LRP1B: variants seen among roughly 807,000 people sequenced by gnomAD.
LRP1B encodes low-density lipoprotein receptor-related protein 1B.
In LRP1B, 217 loss-of-function variants were observed where a neutral mutation model predicts 556.6. That is an observed-to-expected ratio of 0.39 (90% CI 0.35 to 0.44). The LOEUF (loss-of-function observed/expected upper bound fraction) is 0.44, where lower values mean the gene tolerates loss of function less well. Among genes scored for constraint, LRP1B ranks in the 20% least tolerant of loss-of-function variants. LRP1B has a pLI of 1.00. For synonymous variants in LRP1B, 2,047 were observed against 1,865.8 expected (o/e 1.10, Z -2.50); for missense variants, 5,053 against 5,620.8 (o/e 0.90, Z 3.23).
chr2:141,054,334 T>C (rs1207936468), intron 10 of LRP1B, among the ~76,000 whole-genome samples: 2 of 151,884 alleles, frequency 1.3e-5, no homozygotes, highest in African/African-American at 2.4e-5. Context: ...TTAAAAATAA[T>C]GGTGTTTGGG....
chr2:141,660,576 C>G (rs1690177925), intron 2 of LRP1B, among the ~76,000 whole-genome samples: 1 of 152,068 alleles, frequency 6.6e-6, no homozygotes, highest in African/African-American at 2.4e-5. Context: ...CAGACTACCT[C>G]TTTAGTCTGG....
At chr2:141,382,841 G>A (rs546964288) in intron 3 of LRP1B, among the ~76,000 whole-genome samples, 1 of 152,278 alleles carries the variant, frequency 6.6e-6, no homozygotes, top group East Asian at 1.9e-4. Flanking sequence ...GACATCCACA[G>A]TATAAGCAAA....
chr2:140,949,366 T>C (rs1157939667), intron 20 of LRP1B, among the ~76,000 whole-genome samples: 1 of 152,192 alleles, frequency 6.6e-6, no homozygotes, highest in East Asian at 1.9e-4. Flanking sequence ...ATTATTAATA[T>C]GCTCTATGAC....
intron 20 of LRP1B, among the ~76,000 whole-genome samples, chr2:140,928,365 T>C (rs1317271648): frequency 6.6e-6 from 1 of 152,140 alleles, no homozygotes; most frequent in Non-Finnish European, 1.5e-5. Context: ...TACACACATA[T>C]ACAACTTAAT....
chr2:140,279,110 T>G (rs1297979573), intron 84 of LRP1B, among the ~76,000 whole-genome samples: 1 of 151,970 alleles, frequency 6.6e-6, no homozygotes, highest in African/African-American at 2.4e-5. Flanking sequence ...TCTCTCTTTC[T>G]TTCTTGTCTT....
intron 3 of LRP1B, among the ~76,000 whole-genome samples, chr2:141,375,954 TC>T (rs1194128595): frequency 6.6e-6 from 1 of 152,040 alleles, no homozygotes. Flanking sequence ...TGCTTGTCCT[TC>T]CCAGGCAAGC....
intron 43 of LRP1B, among the ~76,000 whole-genome samples, chr2:140,552,418 G>T (rs1357397853): frequency 2.0e-5 from 3 of 152,080 alleles, no homozygotes; most frequent in African/African-American, 7.2e-5. Flanking sequence ...TGCTGACATA[G>T]AGAGAGGAGA....
intron 2 of LRP1B, among the ~76,000 whole-genome samples, chr2:141,481,860 G>A (rs1379583086): frequency 6.6e-6 from 1 of 152,130 alleles, no homozygotes; most frequent in Non-Finnish European, 1.5e-5. Context: ...CTGTCTGGCA[G>A]ACACTTAATA....
intron 2 of LRP1B, 122 bp downstream of exon 2, chr2:141,810,157 G>GT: frequency 2.4e-6 from 1 of 424,848 alleles, no homozygotes; most frequent in Non-Finnish European, 3.2e-6. Context: ...AAGAAAGAAA[G>GT]AAAGAAAGAA....
chr2:140,398,561 C>T (rs1684357170), intron 66 of LRP1B, among the ~76,000 whole-genome samples: 1 of 149,656 alleles, frequency 6.7e-6, no homozygotes, highest in African/African-American at 2.5e-5. Context: ...GGGTGTCTTC[C>T]TGTTACCCAG....
chr2:141,939,328 T>C lies in LRP1B; in HGVS notation c.83-128927A>G, dbSNP rs763591994. ...GGCATAAATATGTAATAATTAAGAG[T>C]GCAGAATTAGTACAATCAAAGACAC... On this transcript the variant is annotated intron_variant, in intron 1 of 90. Transcript: ENST00000389484. Among the ~76,000 whole-genome samples, 205 of 151,960 alleles carry C rather than the reference T, an allele frequency of 1.3e-3. 3 individuals carry two copies. The highest frequency in any genetic ancestry group is 3.4e-3 in the Middle Eastern group (1 of 294).
intron 41 of LRP1B, among the ~76,000 whole-genome samples, chr2:140,681,583 T>C (rs1685860826): frequency 6.6e-6 from 1 of 152,124 alleles, no homozygotes; most frequent in Non-Finnish European, 1.5e-5. Context: ...TGGTAGATAC[T>C]AAATGAATAT....
intron 9 of LRP1B, among the ~76,000 whole-genome samples, chr2:141,058,346 G>A (rs532577205): frequency 2.0e-5 from 3 of 151,728 alleles, no homozygotes; most frequent in Non-Finnish European, 4.4e-5. Context: ...ATGTATGATT[G>A]AACCTAAATT....
At chr2:140,951,754 G>T in intron 19 of LRP1B, 106 bp downstream of exon 19, 3 of 789,122 alleles carry the variant, frequency 3.8e-6, no homozygotes, top group South Asian at 1.7e-5. Context: ...CGTTTTTCTT[G>T]GCTCTGCAAG....
At chr2:141,039,323 A>G (rs1698629884) in intron 11 of LRP1B, among the ~76,000 whole-genome samples, 1 of 146,670 alleles carries the variant, frequency 6.8e-6, no homozygotes, top group Non-Finnish European at 1.6e-5. Context: ...TAATTGTTCT[A>G]TTTTATTATC....
intron 1 of LRP1B, among the ~76,000 whole-genome samples, chr2:142,067,944 A>G (rs527452925): frequency 6.6e-6 from 1 of 151,600 alleles, no homozygotes; most frequent in Non-Finnish European, 1.5e-5. Context: ...TATTAGCATA[A>G]TCTTTGCTCC....
intron 1 of LRP1B, among the ~76,000 whole-genome samples, chr2:142,056,798 T>C (rs569825069): frequency 4.0e-5 from 6 of 151,874 alleles, no homozygotes; most frequent in Non-Finnish European, 7.4e-5. Context: ...TGTAGATCTT[T>C]CTTTTGTGTA....
At chr2:141,799,614 G>T (rs753252633) in intron 2 of LRP1B, among the ~76,000 whole-genome samples, 2 of 152,086 alleles carry the variant, frequency 1.3e-5, no homozygotes, top group Non-Finnish European at 2.9e-5. Flanking sequence ...GGGAGTCCTT[G>T]ATCTCAGCCT....
intron 56 of LRP1B, among the ~76,000 whole-genome samples, chr2:140,495,206 G>T (rs543086131): frequency 6.6e-6 from 1 of 152,160 alleles, no homozygotes; most frequent in East Asian, 1.9e-4. Flanking sequence ...TGGTGGAGGG[G>T]AGAATGAAAA....
Sources: allele counts gnomAD v4.1 joint callset (sites outside exome capture counted in the v4.1 genomes callset), GRCh38; gene constraint gnomAD v4.1.1; transcripts MANE v1.5; gene names NCBI Gene and HGNC (gene_info 2026-07-23, HGNC 2026-07-21).